Variants in CEP112 observed in about 807,000 individuals in gnomAD.
CEP112 encodes centrosomal protein of 112 kDa.
In CEP112, 127 loss-of-function variants were observed where a neutral mutation model predicts 153.0. That is an observed-to-expected ratio of 0.83 (90% confidence interval 0.72 to 0.96). CEP112 has a LOEUF of 0.96. Ranked by LOEUF, CEP112 falls within the 40% of genes least tolerant of loss-of-function variation. The pLI, the probability that CEP112 is intolerant of heterozygous loss-of-function variation, is 0.00. For missense variants in CEP112, 1,089 were observed against 1,101.2 expected (o/e 0.99, Z 0.16); for synonymous variants, 358 against 374.4 (o/e 0.96, Z 0.51).
intron 6 of CEP112, among the ~76,000 whole-genome samples, chr17:66,101,718 T>G (rs182054619): frequency 6.6e-6 from 1 of 152,080 alleles, no homozygotes. Flanking sequence ...CAAATACTAT[T>G]GATTAGTCCA....
chr17:66,095,066 G>A (rs1043122998), intron 8 of CEP112, among the ~76,000 whole-genome samples: 6 of 152,148 alleles, frequency 3.9e-5, no homozygotes, highest in African/African-American at 1.4e-4. Flanking sequence ...GATTAGTGCA[G>A]CCATTATAGA....
chr17:66,110,562 A>G (rs549882921), intron 6 of CEP112, among the ~76,000 whole-genome samples: 1 of 152,114 alleles, frequency 6.6e-6, no homozygotes, highest in South Asian at 2.1e-4. Context: ...TATATAATAA[A>G]TTCCCAATGG....
intron 10 of CEP112, among the ~76,000 whole-genome samples, chr17:66,066,476 C>T (rs914979306): frequency 6.6e-6 from 1 of 152,078 alleles, no homozygotes; most frequent in African/African-American, 2.4e-5. Context: ...CCCAATGAGG[C>T]TAGAGTTAAG....
At chr17:65,741,086 A>G (rs2051107950) in intron 23 of CEP112, among the ~76,000 whole-genome samples, 1 of 152,182 alleles carries the variant, frequency 6.6e-6, no homozygotes, top group South Asian at 2.1e-4. Flanking sequence ...ATCTTGGGCT[A>G]GTTATTTAAC....
chr17:65,750,820 C>G, intron 21 of CEP112, 96 bp from the exon 22 acceptor site: 2 of 1,050,172 alleles, frequency 1.9e-6, no homozygotes, highest in South Asian at 2.6e-5. Flanking sequence ...TGCCTGCCAG[C>G]TGCACCGCCC....
intron 22 of CEP112, among the ~76,000 whole-genome samples, chr17:65,746,165 C>CAAAAAAAAAAAA (rs56361589): frequency 5.5e-4 from 27 of 49,432 alleles, no homozygotes; most frequent in East Asian, 2.5e-3. Context: ...AACTCCATCT[C>CAAAAAAAAAAAA]AAAAAAAAAA....
At chr17:65,733,177 G>C (rs1216743888) in intron 23 of CEP112, among the ~76,000 whole-genome samples, 1 of 152,190 alleles carries the variant, frequency 6.6e-6, no homozygotes, top group Non-Finnish European at 1.5e-5. Flanking sequence ...AGGGAAGAGG[G>C]AAGCCCAAGG....
At chr17:66,138,715 AAG>A (rs2070553469) in intron 4 of CEP112, among the ~76,000 whole-genome samples, 1 of 152,194 alleles carries the variant, frequency 6.6e-6, no homozygotes, top group Non-Finnish European at 1.5e-5. Context: ...CATAAAAAAA[AAG>A]AATCAAAGCA....
At chr17:65,648,839 T>G (rs2045580745) in intron 24 of CEP112, among the ~76,000 whole-genome samples, 1 of 151,958 alleles carries the variant, frequency 6.6e-6, no homozygotes, top group Non-Finnish European at 1.5e-5. Flanking sequence ...TCACCTGAGG[T>G]CAGGAGTTCA....
intron 16 of CEP112, among the ~76,000 whole-genome samples, chr17:66,021,498 C>T (rs1434706397): frequency 2.0e-5 from 3 of 152,144 alleles, no homozygotes; most frequent in South Asian, 2.1e-4. Context: ...AAAAACTGCA[C>T]GTAACATTTC....
rs56221578 is a variant in CEP112 at position 66,132,168 on chromosome 17, C to CAA, written c.564+500_564+501dup. 2.0e-3 allele frequency among the ~76,000 whole-genome samples: 80 copies of CAA among 39,884 alleles called. 21 individuals are homozygous for CAA. The East Asian group carries it at 0.098, about 49-fold the overall frequency. The allele number at this position is 39,884 out of a possible 152,430, so 26.2% of individuals were successfully genotyped here. On this transcript the variant is annotated intron_variant, in intron 5 of 26. Coordinates refer to ENST00000535342, the MANE Select transcript of CEP112 (RefSeq NM_001199165.4). ...CCTGGGCAACAGTGAGACTCCATCT[C>CAA]AAAAAAAAAAAAAAAAAAAAAAAAA...
chr17:65,917,317 G>A (rs758709136), intron 19 of CEP112, among the ~76,000 whole-genome samples: 15 of 152,106 alleles, frequency 9.9e-5, no homozygotes, highest in Admixed American at 3.3e-4. Flanking sequence ...TTCAAAAAGA[G>A]TATGATAAGG....
At chr17:66,143,591 T>C (rs1368731921) in intron 4 of CEP112, among the ~76,000 whole-genome samples, 1 of 152,208 alleles carries the variant, frequency 6.6e-6, no homozygotes, top group Non-Finnish European at 1.5e-5. Flanking sequence ...GTTTGTCTAA[T>C]GGAATGGATT....
At chr17:65,874,283 C>T (rs2058752153) in intron 20 of CEP112, among the ~76,000 whole-genome samples, 1 of 152,126 alleles carries the variant, frequency 6.6e-6, no homozygotes, top group Admixed American at 6.5e-5. Context: ...TTTTAGACAG[C>T]ACTGTCTTTT....
At chr17:65,841,493 G>A (rs1312127655) in intron 21 of CEP112, among the ~76,000 whole-genome samples, 1 of 151,974 alleles carries the variant, frequency 6.6e-6, no homozygotes, top group Non-Finnish European at 1.5e-5. Context: ...CCAGAGGCTG[G>A]GAAGGGTAAA....
chr17:66,114,651 T>A lies in CEP112; in HGVS notation c.642+15095A>T, dbSNP rs191363810. On this transcript the variant is annotated intron_variant, in intron 6 of 26. Coordinates refer to ENST00000535342, the MANE Select transcript of CEP112 (RefSeq NM_001199165.4). ...ATATTTTAGAACTTTAAAACCATTT[T>A]TCCACAGAAAATTTACAATACTATA... Among the ~76,000 whole-genome samples, 394 of 152,276 alleles carry A rather than the reference T, an allele frequency of 2.6e-3. 4 individuals carry two copies. The highest frequency in any genetic ancestry group is 1.3e-3 in the Non-Finnish European group (90 of 68,016).
At chr17:66,030,738 T>G (rs973204454) in intron 12 of CEP112, among the ~76,000 whole-genome samples, 1 of 152,186 alleles carries the variant, frequency 6.6e-6, no homozygotes, top group Non-Finnish European at 1.5e-5. Flanking sequence ...TTTATCATCT[T>G]TTAGATACTT....
intron 17 of CEP112, among the ~76,000 whole-genome samples, chr17:65,973,245 C>A (rs866116102): frequency 6.6e-6 from 1 of 152,192 alleles, no homozygotes; most frequent in Non-Finnish European, 1.5e-5. Context: ...AGAACAAATA[C>A]TGTAAACACA....
At chr17:65,836,003 T>C (rs2057293399) in intron 21 of CEP112, among the ~76,000 whole-genome samples, 1 of 152,218 alleles carries the variant, frequency 6.6e-6, no homozygotes, top group African/African-American at 2.4e-5. Context: ...TGCAGTTTTT[T>C]TCTTATTTTT....
Sources: gnomAD v4.1 joint callset for allele counts (sites outside exome capture counted in the v4.1 genomes callset) on GRCh38, gnomAD v4.1.1 for gene constraint, MANE v1.5 for transcripts, NCBI Gene and HGNC (gene_info 2026-07-23, HGNC 2026-07-21) for gene names.